Variants in EPM2A observed in about 807,000 individuals in gnomAD.
The protein encoded by EPM2A is laforin.
A neutral mutation model predicts 26.5 loss-of-function variants in EPM2A; 21 were observed. The ratio of observed to expected loss-of-function variants is 0.79; its 90% CI spans 0.56 to 1.14. The LOEUF is 1.14. EPM2A is among the 50% of genes most tolerant of loss of function. The pLI, the probability that EPM2A is intolerant of heterozygous loss-of-function variation, is 0.00. For synonymous variants in EPM2A, 217 were observed against 177.6 expected, an observed-to-expected ratio of 1.22 and a Z score of -1.76; for missense variants, 458 against 440.8, an observed-to-expected ratio of 1.04 and a Z score of -0.35.
At chr6:145,645,606 C>CTTTT (rs112139648) in intron 2 of EPM2A, among the ~76,000 whole-genome samples, 4 of 147,080 alleles carry the variant, frequency 2.7e-5, no homozygotes, top group African/African-American at 1.0e-4. Flanking sequence ...TCCTGGCAAA[C>CTTTT]TTTTTTTTTT....
At chr6:145,624,875 T>C (rs2128554477), downstream of EPM2A, among the ~76,000 whole-genome samples, 1 of 152,338 alleles carries the variant, frequency 6.6e-6, no homozygotes, top group South Asian at 2.1e-4. Context: ...GTGTTTTGTG[T>C]TGTGTTTTAC....
At chr6:145,495,497 G>A (rs1168541990) in intron 4 of EPM2A, among the ~76,000 whole-genome samples, 3 of 152,104 alleles carry the variant, frequency 2.0e-5, no homozygotes, top group Non-Finnish European at 4.4e-5. Context: ...TTTAAGGTTA[G>A]TATTGTTATG....
At chr6:145,553,647 C>T (rs1413964315) in intron 2 of EPM2A, among the ~76,000 whole-genome samples, 3 of 151,928 alleles carry the variant, frequency 2.0e-5, no homozygotes, top group Non-Finnish European at 2.9e-5. Flanking sequence ...AACCTAGTTA[C>T]CTTTCCCAGC....
chr6:145,693,376 C>T (rs958083366), intron 1 of EPM2A, among the ~76,000 whole-genome samples: 2 of 151,930 alleles, frequency 1.3e-5, no homozygotes, highest in African/African-American at 2.4e-5. Flanking sequence ...AGTTTGACTT[C>T]GTGTCTTCCT....
intron 2 of EPM2A, among the ~76,000 whole-genome samples, chr6:145,608,241 C>T (rs942320459): frequency 5.3e-5 from 8 of 152,138 alleles, no homozygotes; most frequent in Non-Finnish European, 1.0e-4. Flanking sequence ...TTGTGCCTAA[C>T]TTATAAATTA....
At chr6:145,712,818 C>A (rs903728557) in intron 1 of EPM2A, among the ~76,000 whole-genome samples, 4 of 152,164 alleles carry the variant, frequency 2.6e-5, no homozygotes, top group African/African-American at 9.7e-5. Flanking sequence ...AATCATTAGG[C>A]ATCCACCTTA....
At chr6:145,437,763 A>T (rs967414027) in intron 4 of EPM2A, among the ~76,000 whole-genome samples, 6 of 152,366 alleles carry the variant, frequency 3.9e-5, no homozygotes, top group South Asian at 2.1e-4. Context: ...AGACCACAGC[A>T]ATTGCATGGT....
intron 4 of EPM2A, among the ~76,000 whole-genome samples, chr6:145,429,736 T>A (rs559939700): frequency 2.6e-5 from 4 of 152,328 alleles, no homozygotes; most frequent in African/African-American, 9.6e-5. Flanking sequence ...TTTTTTAAAA[T>A]TAGGAGAATT....
chr6:145,597,262 A>G (rs1781358717), intron 2 of EPM2A, among the ~76,000 whole-genome samples: 2 of 152,248 alleles, frequency 1.3e-5, no homozygotes, highest in South Asian at 4.1e-4. Flanking sequence ...ATTCTTTATC[A>G]TGTTCCCAAG....
intron 2 of EPM2A, among the ~76,000 whole-genome samples, chr6:145,648,072 T>C (rs1023513985): frequency 6.6e-6 from 1 of 152,186 alleles, no homozygotes; most frequent in Non-Finnish European, 1.5e-5. Flanking sequence ...GTAATTTCTA[T>C]TCTATGTGTT....
chr6:145,467,465 A>G (rs1779414300), intron 4 of EPM2A, among the ~76,000 whole-genome samples: 1 of 152,158 alleles, frequency 6.6e-6, no homozygotes, highest in African/African-American at 2.4e-5. Context: ...CTCTTCCTGA[A>G]CACCTGTTTA....
At chr6:145,411,102 A>C (rs1222007529) in intron 4 of EPM2A, among the ~76,000 whole-genome samples, 2 of 152,168 alleles carry the variant, frequency 1.3e-5, no homozygotes, top group Non-Finnish European at 2.9e-5. Context: ...ATGATTATTT[A>C]TATTTCCTCT....
chr6:145,537,418 A>T lies in EPM2A; in HGVS notation c.341-34843T>A, dbSNP rs1366471242. Among the ~76,000 whole-genome samples, 4 of 152,298 alleles carry T rather than the reference A, an allele frequency of 2.6e-5. No individual in the cohort carries two copies. The East Asian group carries it at 7.7e-4, about 29-fold the overall frequency. ...ATTAGACACAAATACTCTGATAATT[A>T]TACTCATTAGACATAACTTATTTTT... is the stretch of plus-strand genomic sequence containing the variant. On this transcript the variant is annotated intron_variant, in intron 2 of 3. Coordinates refer to the EPM2A transcript ENST00000450221.
intron 2 of EPM2A, among the ~76,000 whole-genome samples, chr6:145,554,403 T>C (rs1392090375): frequency 6.6e-6 from 1 of 150,404 alleles, no homozygotes; most frequent in African/African-American, 2.5e-5. Flanking sequence ...AATAGATAGA[T>C]AATAGAGAGA....
chr6:145,435,212 C>T (rs1778974258), intron 4 of EPM2A, among the ~76,000 whole-genome samples: 1 of 151,950 alleles, frequency 6.6e-6, no homozygotes, highest in Non-Finnish European at 1.5e-5. Flanking sequence ...GTGAGGGAAG[C>T]AATATGAAGT....
chr6:145,675,864 A>G (rs1779996549), intron 2 of EPM2A, among the ~76,000 whole-genome samples: 1 of 152,196 alleles, frequency 6.6e-6, no homozygotes, highest in Admixed American at 6.5e-5. Flanking sequence ...TCAATATTAG[A>G]CAGATCAACA....
At chr6:145,600,495 T>C (rs1781403321) in intron 2 of EPM2A, among the ~76,000 whole-genome samples, 1 of 152,196 alleles carries the variant, frequency 6.6e-6, no homozygotes, top group South Asian at 2.1e-4. Flanking sequence ...TTTCAGTTAT[T>C]TTCTCCTGAG....
intron 1 of EPM2A, among the ~76,000 whole-genome samples, chr6:145,695,871 G>T (rs1161606457): frequency 2.0e-5 from 3 of 151,966 alleles, no homozygotes; most frequent in Non-Finnish European, 4.4e-5. Context: ...TTCAGCATTG[G>T]ACAGAACATC....
At chr6:145,509,563 T>G (rs1394762319) in intron 2 of EPM2A, among the ~76,000 whole-genome samples, 1 of 152,184 alleles carries the variant, frequency 6.6e-6, no homozygotes, top group Non-Finnish European at 1.5e-5. Context: ...AGCACTAGAC[T>G]GGCCCTATAA....
Sources: gnomAD v4.1 joint callset for allele counts (sites outside exome capture counted in the v4.1 genomes callset) on GRCh38, gnomAD v4.1.1 for gene constraint, MANE v1.5 for transcripts, NCBI Gene and HGNC (gene_info 2026-07-23, HGNC 2026-07-21) for gene names.